CENPP: variants seen among roughly 807,000 people sequenced by gnomAD.
CENPP encodes centromere protein P.
CENPP carries 24 observed loss-of-function variants against 35.6 expected under a neutral mutation model. The observed-to-expected ratio is 0.67, with a 90% CI of 0.49 to 0.95. The LOEUF (loss-of-function observed/expected upper bound fraction) is 0.95, where lower values mean the gene tolerates loss of function less well. CENPP is among the 40% of genes least tolerant of loss of function. The pLI, the probability that CENPP is intolerant of heterozygous loss-of-function variation, is 0.00. For synonymous variants in CENPP, 120 were observed against 125.5 expected (o/e 0.96, Z 0.29); for missense variants, 332 against 345.3 (o/e 0.96, Z 0.31).
chr9:92,414,559 T>G lies in CENPP; in HGVS notation c.564+34700T>G, dbSNP rs41278685. 1.6e-3 allele frequency: 345 copies of G among 209,758 alleles called. 1 individual carries two copies. Among genetic ancestry groups the G allele is most frequent in the Non-Finnish European group, 2.9e-3 (299 of 103,262 alleles). The allele number at this position is 209,758 out of a possible 1,614,324, so 13.0% of individuals were successfully genotyped here. ...TTGTGAATCTGTATGCCTTGGGTCC[T>G]TAGTACCTGGATGGCCTCTTACAAA... is the stretch of plus-strand genomic sequence containing the variant. On this transcript the variant is annotated intron_variant, in intron 5 of 7. Coordinates refer to ENST00000375587, the MANE Select transcript of CENPP (RefSeq NM_001012267.3).
intron 5 of CENPP, among the ~76,000 whole-genome samples, chr9:92,386,877 C>T (rs963329217): frequency 1.3e-5 from 2 of 151,160 alleles, no homozygotes; most frequent in Non-Finnish European, 3.0e-5. Context: ...CCACCATGCC[C>T]GGCCTAAAAA....
At chr9:92,565,639 G>A (rs1355207890) in intron 5 of CENPP, among the ~76,000 whole-genome samples, 2 of 152,178 alleles carry the variant, frequency 1.3e-5, no homozygotes, top group Non-Finnish European at 2.9e-5. Flanking sequence ...AAAGAGGTAG[G>A]TGACTACTGT....
intron 5 of CENPP, chr9:92,416,847 GA>G (rs776884990): frequency 4.4e-5 from 71 of 1,613,706 alleles, no homozygotes; most frequent in Non-Finnish European, 5.8e-5. Flanking sequence ...TCTAAAGACA[GA>G]TACATAAGTG....
intron 5 of CENPP, among the ~76,000 whole-genome samples, chr9:92,546,400 T>C (rs1398578834): frequency 6.6e-6 from 1 of 152,156 alleles, no homozygotes; most frequent in Non-Finnish European, 1.5e-5. Flanking sequence ...TGCTCACTCT[T>C]TGGGTCCACG....
chr9:92,616,179 A>AAGTT lies in CENPP; in HGVS notation c.*3033_*3036dup, dbSNP rs1851427023. ...TTATGTTTTTTCTTTGACTTCTGCA[A>AAGTT]AGTTAGATAAATCAATCTCTTTTAA... On this transcript the variant is annotated 3_prime_UTR_variant, in exon 8 of 8. Transcript: ENST00000375587. The AAGTT allele has an allele frequency of 3.0e-6, 2 of 674,246 alleles. No individual in the cohort carries two copies. The highest frequency in any genetic ancestry group is 1.9e-5 in the South Asian group (1 of 51,938). 41.8% of individuals were successfully genotyped at this position (674,246 alleles called of 1,614,324 possible).
chr9:92,409,513 G>A (rs539282532), intron 5 of CENPP, among the ~76,000 whole-genome samples: 8 of 152,236 alleles, frequency 5.3e-5, no homozygotes, highest in Non-Finnish European at 1.2e-4. Context: ...TTGAGAAATC[G>A]AGTGAAAATG....
intron 5 of CENPP, among the ~76,000 whole-genome samples, chr9:92,545,309 C>T (rs2131315431): frequency 6.6e-6 from 1 of 152,234 alleles, no homozygotes; most frequent in African/African-American, 2.4e-5. Flanking sequence ...GCGTGTGGCA[C>T]TTGCAGGCCA....
rs1842118852 is a variant in CENPP at position 92,376,032 on chromosome 9, A to C, written c.468-3731A>C. ...CATTTTGGTTCTGTATGGGGACACT[A>C]CTTCAGTGCTTAGCCAGGTCTTTCA... On this transcript the variant is annotated intron_variant, in intron 4 of 7. Transcript: ENST00000375587. Among the ~76,000 whole-genome samples the C allele has an allele frequency of 2.6e-5, 4 of 152,170 alleles. No individual in the cohort carries two copies. In the South Asian group the frequency reaches 8.3e-4, roughly 32 times the overall value.
chr9:92,391,456 AGGTGTG>A (rs1842682484), intron 5 of CENPP, among the ~76,000 whole-genome samples: 1 of 151,800 alleles, frequency 6.6e-6, no homozygotes, highest in Non-Finnish European at 1.5e-5. Flanking sequence ...ACAAGTAACC[AGGTGTG>A]GTGGCACATG....
intron 5 of CENPP, among the ~76,000 whole-genome samples, chr9:92,570,437 C>A (rs1850105577): frequency 6.6e-6 from 1 of 152,308 alleles, no homozygotes; most frequent in Non-Finnish European, 1.5e-5. Flanking sequence ...CCCACTTGAT[C>A]ATGGTGGATA....
chr9:92,374,050 A>G (rs752632901), intron 4 of CENPP, among the ~76,000 whole-genome samples: 4 of 142,928 alleles, frequency 2.8e-5, no homozygotes, highest in East Asian at 2.1e-4. Flanking sequence ...AAATGTATCT[A>G]TGGTGCTGGC....
intron 5 of CENPP, among the ~76,000 whole-genome samples, chr9:92,493,034 A>G (rs999429633): frequency 5.3e-5 from 8 of 152,232 alleles, no homozygotes; most frequent in African/African-American, 1.9e-4. Flanking sequence ...CCTAAGGCCA[A>G]GCCTCTTCAG....
At chr9:92,386,105 C>G (rs1842408562) in intron 5 of CENPP, 4 of 965,360 alleles carry the variant, frequency 4.1e-6, no homozygotes, top group African/African-American at 1.6e-5. Flanking sequence ...GTGATCTAAC[C>G]AAAATTTGTA....
intron 5 of CENPP, among the ~76,000 whole-genome samples, chr9:92,526,976 A>G (rs1206327722): frequency 6.6e-6 from 1 of 152,060 alleles, no homozygotes. Context: ...TATTCTTACC[A>G]TACCTTTCCT....
chr9:92,382,075 GGTT>G (rs1396129609), intron 5 of CENPP, among the ~76,000 whole-genome samples: 1 of 151,214 alleles, frequency 6.6e-6, no homozygotes. Context: ...TTTTGAATTG[GGTT>G]GTTTTTTGTT....
chr9:92,579,603 G>A (rs1046535286), intron 5 of CENPP, among the ~76,000 whole-genome samples: 2 of 151,532 alleles, frequency 1.3e-5, no homozygotes, highest in Non-Finnish European at 3.0e-5. Context: ...CTCTCTGTTT[G>A]TCTGTTATTG....
intron 5 of CENPP, among the ~76,000 whole-genome samples, chr9:92,603,153 A>G (rs550622098): frequency 1.3e-5 from 2 of 152,370 alleles, no homozygotes; most frequent in Admixed American, 6.5e-5. Context: ...TCAAAGTCAT[A>G]TAGCCAATCA....
At chr9:92,506,296 G>A (rs1847004654) in intron 5 of CENPP, among the ~76,000 whole-genome samples, 1 of 152,194 alleles carries the variant, frequency 6.6e-6, no homozygotes, top group Non-Finnish European at 1.5e-5. Context: ...GGCACAGAGT[G>A]CAGCCAAATG....
At chr9:92,612,876 C>A in intron 7 of CENPP, 143 bp from the exon 8 acceptor site, 1 of 1,006,882 alleles carries the variant, frequency 9.9e-7, no homozygotes, top group Non-Finnish European at 1.5e-6. Flanking sequence ...CACTCCATCT[C>A]CTCGCCCGCC....
Sources: allele counts gnomAD v4.1 joint callset (sites outside exome capture counted in the v4.1 genomes callset), GRCh38; gene constraint gnomAD v4.1.1; transcripts MANE v1.5; gene names NCBI Gene and HGNC (gene_info 2026-07-23, HGNC 2026-07-21).